Variants in GRAMD1B observed in about 807,000 individuals in gnomAD.
The protein encoded by GRAMD1B is GRAM domain containing 1B.
Under a neutral mutation model 99.7 loss-of-function variants are expected in GRAMD1B, and 37 were observed. The ratio of observed to expected loss-of-function variants is 0.37; its 90% CI spans 0.29 to 0.49. The LOEUF is 0.49. Ranked by LOEUF, GRAMD1B falls within the 20% of genes least tolerant of loss-of-function variation. The pLI, the probability that GRAMD1B is intolerant of heterozygous loss-of-function variation, is 0.98. For synonymous variants in GRAMD1B, 427 were observed against 387.6 expected, an observed-to-expected ratio of 1.10 and a Z score of -1.19; for missense variants, 888 against 1,009.2, an observed-to-expected ratio of 0.88 and a Z score of 1.63.
At position 123,430,824 on chromosome 11, in the gene GRAMD1B, C is replaced by T; in HGVS notation, c.32C>T (p.Pro11Leu). ...GCGGCCAACATGATGGAGAACCGGCCGCTGCCCGCCCTGCAGGTGCCCGAG... is the reference window on the plus strand; with the variant it reads ...GCGGCCAACATGATGGAGAACCGGCTGCTGCCCGCCCTGCAGGTGCCCGAG... MPAANMMENR[P>L]LPALQVPEPQ... Residue 11 changes from proline to leucine, a missense_variant, in exon 1 of 20, where the codon CCG becomes CTG. Around this residue, in one of 5 missense-constraint regions of GRAMD1B, gnomAD observed 233 missense variants for 154.6 expected, o/e 1.51. Coordinates refer to ENST00000635736, the MANE Select transcript of GRAMD1B (RefSeq NM_001387025.1). The T allele has an allele frequency of 2.9e-6, 2 of 696,600 alleles. No individual in the cohort carries two copies. Among genetic ancestry groups the T allele is most frequent in the Non-Finnish European group, 5.2e-6 (2 of 382,312 alleles). The allele number at this position is 696,600 out of a possible 1,614,324, so 43.2% of individuals were successfully genotyped here.
chr11:123,486,566 A>G (rs910777067), intron 2 of GRAMD1B, among the ~76,000 whole-genome samples: 3 of 148,128 alleles, frequency 2.0e-5, no homozygotes, highest in Non-Finnish European at 3.0e-5. Flanking sequence ...AAAAAAAAAA[A>G]AAACAAAAAG....
At chr11:123,606,395 A>G (rs1298388526) in intron 10 of GRAMD1B, among the ~76,000 whole-genome samples, 5 of 152,170 alleles carry the variant, frequency 3.3e-5, no homozygotes, top group Non-Finnish European at 7.4e-5. Context: ...TGCTGTTGGA[A>G]TGGCGAGCGT....
intron 2 of GRAMD1B, chr11:123,560,235 TCTGTGCGC>T (rs1161882418): frequency 3.7e-6 from 4 of 1,069,276 alleles, no homozygotes; most frequent in East Asian, 8.2e-5. Flanking sequence ...TCTGAGTGTG[TCTGTGCGC>T]CTGTGCGCGT....
intron 1 of GRAMD1B, among the ~76,000 whole-genome samples, chr11:123,413,823 T>C (rs945447181): frequency 2.0e-5 from 3 of 152,150 alleles, no homozygotes; most frequent in Non-Finnish European, 2.9e-5. Context: ...TTGCATCTTC[T>C]GTAGCCCTTG....
chr11:123,507,111 A>G (rs1940512435), intron 2 of GRAMD1B, among the ~76,000 whole-genome samples: 1 of 152,234 alleles, frequency 6.6e-6, no homozygotes, highest in African/African-American at 2.4e-5. Flanking sequence ...TTGATGTAAT[A>G]GAACATCCTT....
chr11:123,413,950 G>C (rs760127455), intron 1 of GRAMD1B, among the ~76,000 whole-genome samples: 3 of 152,068 alleles, frequency 2.0e-5, no homozygotes, highest in Non-Finnish European at 4.4e-5. Context: ...ATTCAAGGTT[G>C]TCTAATGAAA....
chr11:123,473,114 G>A (rs1459550235), intron 1 of GRAMD1B, among the ~76,000 whole-genome samples: 1 of 151,666 alleles, frequency 6.6e-6, no homozygotes, highest in African/African-American at 2.4e-5. Flanking sequence ...CCCCAGGCTG[G>A]AGAGCAATGG....
chr11:123,621,532 C>A (rs1357930629), intron 19 of GRAMD1B, among the ~76,000 whole-genome samples: 1 of 152,174 alleles, frequency 6.6e-6, no homozygotes, highest in Non-Finnish European at 1.5e-5. Context: ...AGTCCAGAGC[C>A]TGAGTGTGCT....
intron 1 of GRAMD1B, among the ~76,000 whole-genome samples, chr11:123,372,643 A>G (rs761455712): frequency 2.0e-5 from 3 of 152,174 alleles, no homozygotes; most frequent in African/African-American, 4.8e-5. Flanking sequence ...AAAGTTTTTC[A>G]TCAGTACCCA....
Position 123,431,097 on chromosome 11 carries a change from C to T in GRAMD1B, c.305C>T (p.Pro102Leu), listed in dbSNP as rs1399509990. 5.7e-6 allele frequency: 4 copies of T among 702,914 alleles called. No homozygotes were observed. The highest frequency in any genetic ancestry group is 3.5e-5 in the African/African-American group (2 of 57,276). 43.5% of individuals were successfully genotyped at this position (702,914 alleles called of 1,614,324 possible). Residue 102 changes from proline (P) to leucine (L), a missense_variant, in exon 1 of 20, where the codon CCG becomes CTG. Physicochemically the swap from Pro to Leu is moderately conservative, Grantham distance 98. This residue lies in a region of GRAMD1B where 233 missense variants were observed against 154.6 expected (regional missense o/e 1.51). Coordinates refer to ENST00000635736, the MANE Select transcript of GRAMD1B (RefSeq NM_001387025.1). ...WSNCSTPSAS[P>L]RRKRFLLRKW... Reference sequence around the variant, plus strand: ...AACTGCTCCACACCCAGCGCGTCCCCGCGCCGAAAACGCTTCCTCCTCCGC... The same window carrying T: ...AACTGCTCCACACCCAGCGCGTCCCTGCGCCGAAAACGCTTCCTCCTCCGC...
chr11:123,553,505 G>A (rs1945835686), intron 2 of GRAMD1B, among the ~76,000 whole-genome samples: 1 of 152,216 alleles, frequency 6.6e-6, no homozygotes. Flanking sequence ...GCTAAAGGGT[G>A]AATGTTGTGT....
chr11:123,512,722 T>C (rs1287947404), intron 2 of GRAMD1B, among the ~76,000 whole-genome samples: 1 of 150,486 alleles, frequency 6.6e-6, no homozygotes, highest in Non-Finnish European at 1.5e-5. Context: ...TTTTTTTTTT[T>C]TTTTAACCTT....
intron 1 of GRAMD1B, among the ~76,000 whole-genome samples, chr11:123,404,424 T>C (rs779233304): frequency 6.6e-6 from 1 of 152,260 alleles, no homozygotes; most frequent in Non-Finnish European, 1.5e-5. Context: ...TTCATTTCCT[T>C]TATTTGACTG....
At chr11:123,546,781 A>G (rs1239154748) in intron 2 of GRAMD1B, among the ~76,000 whole-genome samples, 10 of 152,174 alleles carry the variant, frequency 6.6e-5, no homozygotes. Flanking sequence ...CATCTTGACT[A>G]CAAATGTCAG....
chr11:123,562,760 T>C (rs182881838), intron 2 of GRAMD1B, among the ~76,000 whole-genome samples: 239 of 152,286 alleles, frequency 1.6e-3, no homozygotes, highest in Middle Eastern at 6.8e-3. Flanking sequence ...ATTTGTCTCA[T>C]TGGGGGAAGT....
In GRAMD1B at chr11:123,431,152, G is replaced by T. The variant is rs972724229; in HGVS notation, c.360G>T (p.Glu120Asp). ...GGCTGAGGGTGAGGGAGCGGAAGGA[G>T]TGCAGTGAAAGCAGGTACGTCCCCG... The part of the protein sequence containing the change: ...RKWLRVRERK[E>D]CSESSSQQSS... Residue 120 changes from glutamate (E) to aspartate (D), a missense_variant, in exon 1 of 20, where the codon GAG (glutamate) becomes GAT (aspartate). Around this residue, in one of 5 missense-constraint regions of GRAMD1B, gnomAD observed 233 missense variants for 154.6 expected, o/e 1.51. Transcript: ENST00000635736. 4 of 702,048 alleles carry T rather than the reference G, an allele frequency of 5.7e-6. No homozygotes were observed. The highest frequency in any genetic ancestry group is 1.0e-5 in the Non-Finnish European group (4 of 384,512). The allele number at this position is 702,048 out of a possible 1,614,324, so 43.5% of individuals were successfully genotyped here.
At chr11:123,567,140 G>A (rs1472283622) in intron 2 of GRAMD1B, among the ~76,000 whole-genome samples, 1 of 152,202 alleles carries the variant, frequency 6.6e-6, no homozygotes, top group Non-Finnish European at 1.5e-5. Context: ...AAGAGTTCCA[G>A]GCGGTGGGAC....
At chr11:123,577,246 C>T in intron 2 of GRAMD1B, 121 bp from the exon 3 acceptor site, 2 of 822,142 alleles carry the variant, frequency 2.4e-6, no homozygotes, top group Admixed American at 2.1e-5. Context: ...TTCTCCCCAG[C>T]CCCTCACCTG....
chr11:123,472,905 T>A (rs949479826), intron 1 of GRAMD1B, among the ~76,000 whole-genome samples: 2 of 152,216 alleles, frequency 1.3e-5, no homozygotes, highest in African/African-American at 4.8e-5. Flanking sequence ...GCACAACTGC[T>A]GGCATTCACC....
Sources: allele counts gnomAD v4.1 joint callset (sites outside exome capture counted in the v4.1 genomes callset), GRCh38; gene constraint gnomAD v4.1.1; regional missense constraint gnomAD v4.1.1; transcripts MANE v1.5; gene names NCBI Gene and HGNC (gene_info 2026-07-23, HGNC 2026-07-21).